Variants in MSI2 observed in about 807,000 individuals in gnomAD.
MSI2 encodes the protein RNA-binding protein Musashi homolog 2.
Under a neutral mutation model 45.6 loss-of-function variants are expected in MSI2, and 17 were observed. That is an observed-to-expected ratio of 0.37 (90% CI 0.26 to 0.56). The LOEUF is 0.56. Among genes scored for constraint, MSI2 ranks in the 20% least tolerant of loss-of-function variants. The pLI, the probability that MSI2 is intolerant of heterozygous loss-of-function variation, is 0.77. For missense variants in MSI2, 293 were observed against 444.2 expected, an observed-to-expected ratio of 0.66 and a Z score of 3.06; for synonymous variants, 156 against 158.2, an observed-to-expected ratio of 0.99 and a Z score of 0.11.
At chr17:57,559,043 C>G (rs766467555) in intron 7 of MSI2, among the ~76,000 whole-genome samples, 3 of 152,102 alleles carry the variant, frequency 2.0e-5, no homozygotes, top group Non-Finnish European at 4.4e-5. Flanking sequence ...GCCTGGATGA[C>G]AAGAGCGAGA....
chr17:57,483,074 T>C (rs2085679936), intron 6 of MSI2, among the ~76,000 whole-genome samples: 1 of 152,250 alleles, frequency 6.6e-6, no homozygotes, highest in African/African-American at 2.4e-5. Context: ...ATAACATTTC[T>C]TAATTTCTGC....
At chr17:57,480,439 T>A (rs1280904006) in intron 6 of MSI2, among the ~76,000 whole-genome samples, 1 of 152,194 alleles carries the variant, frequency 6.6e-6, no homozygotes, top group African/African-American at 2.4e-5. Flanking sequence ...TAAACAGGAC[T>A]CATGTTGACA....
chr17:57,531,060 T>C (rs1471504620), intron 7 of MSI2, among the ~76,000 whole-genome samples: 1 of 152,064 alleles, frequency 6.6e-6, no homozygotes, highest in Non-Finnish European at 1.5e-5. Flanking sequence ...ACTGCATTGC[T>C]GGGGAGTGAG....
the MSI2 span, among the ~76,000 whole-genome samples, chr17:57,692,972 G>T: frequency 7.0e-6 from 1 of 143,652 alleles, no homozygotes; most frequent in Admixed American, 7.0e-5. Context: ...ACTTCTTTCT[G>T]TGGTTTCATG....
rs1356085444 is a variant in MSI2 at position 57,652,669 on chromosome 17, AAGCTGCTGTTTCTGG to A, written c.790+512_790+526del. On this transcript the variant is annotated intron_variant, in intron 11 of 13. Coordinates refer to ENST00000284073, the MANE Select transcript of MSI2 (RefSeq NM_138962.4). The surrounding 1 kb of genome is among the most constrained non-coding windows in gnomAD (Gnocchi z 4.1). The stretch of plus-strand genomic sequence containing the variant: ...GACCAGCCCTGGGCCTCAGTGAATG[AAGCTGCTGTTTCTGG>A]AGCCGCTGTGCCTCCCAGACTCTTC... Among the ~76,000 whole-genome samples, 1 of 152,152 alleles carries A rather than the reference AAGCTGCTGTTTCTGG, an allele frequency of 6.6e-6. No individual in the cohort carries two copies. The highest frequency in any genetic ancestry group is 2.4e-5 in the African/African-American group (1 of 41,432).
chr17:57,445,274 G>A (rs1455500533), intron 6 of MSI2, among the ~76,000 whole-genome samples: 2 of 152,216 alleles, frequency 1.3e-5, no homozygotes, highest in Non-Finnish European at 2.9e-5. Flanking sequence ...TGAAGTGTGT[G>A]AAGGAAGATG....
intron 5 of MSI2, among the ~76,000 whole-genome samples, chr17:57,350,735 C>T (rs1360667325): frequency 6.6e-6 from 1 of 152,184 alleles, no homozygotes; most frequent in East Asian, 1.9e-4. Flanking sequence ...TCCCCTCTGC[C>T]TCCTCCTCCT....
At chr17:57,629,971 T>A (rs941101991) in intron 10 of MSI2, 3 of 152,288 alleles carry the variant, frequency 2.0e-5, no homozygotes, top group African/African-American at 7.2e-5. Context: ...GACCCTATGC[T>A]AAGGCCCCTG....
At chr17:57,259,151 G>T (rs1359795552) in intron 4 of MSI2, among the ~76,000 whole-genome samples, 1 of 152,012 alleles carries the variant, frequency 6.6e-6, no homozygotes, top group Non-Finnish European at 1.5e-5. Context: ...CCCCTGTGTG[G>T]GCTTCCTGCC....
chr17:57,682,523 CT>C lies in MSI2; in HGVS notation c.*3010del. ...GAATATGTTTTAGATGTTTATATACCTTTTGAAGAGACCCAGTAGCCCATAG... is the reference window on the plus strand; with the variant it reads ...GAATATGTTTTAGATGTTTATATACCTTTGAAGAGACCCAGTAGCCCATAG... On this transcript the variant is annotated 3_prime_UTR_variant, in exon 14 of 14. Coordinates refer to ENST00000284073, the MANE Select transcript of MSI2 (RefSeq NM_138962.4). 9.6e-6 allele frequency: 2 copies of C among 207,560 alleles called. No individual in the cohort carries two copies. Among genetic ancestry groups the C allele is most frequent in the East Asian group, 7.4e-5 (1 of 13,424 alleles). The allele number at this position is 207,560 out of a possible 1,614,324, so 12.9% of individuals were successfully genotyped here.
Position 57,574,510 on chromosome 17 carries a change from C to G in MSI2, c.455-22358C>G, listed in dbSNP as rs74791940. On this transcript the variant is annotated intron_variant, in intron 7 of 13. Transcript: ENST00000284073. ...GTCCACAGAGCCCAGGTCAAGGATG[C>G]AATTCTGGGTCCTGTGTCCCCATGG... 6.1e-3 allele frequency among the ~76,000 whole-genome samples: 922 copies of G among 152,264 alleles called. 6 individuals are homozygous for G. Among genetic ancestry groups the G allele is most frequent in the Middle Eastern group, 0.041 (12 of 294 alleles).
At chr17:57,314,059 C>T (rs1310707932) in intron 5 of MSI2, among the ~76,000 whole-genome samples, 2 of 151,746 alleles carry the variant, frequency 1.3e-5, no homozygotes, top group Admixed American at 6.6e-5. Flanking sequence ...AGGGTTGGCT[C>T]GTTCTGAGGG....
At chr17:57,697,441 C>T in the MSI2 span, among the ~76,000 whole-genome samples, 4 of 152,214 alleles carry the variant, frequency 2.6e-5, no homozygotes, top group South Asian at 2.1e-4. Flanking sequence ...CGCAGACACT[C>T]GCTCTCTCAC....
chr17:57,630,316 A>G (rs992226960), intron 10 of MSI2: 2 of 152,270 alleles, frequency 1.3e-5, no homozygotes, highest in African/African-American at 2.4e-5. Flanking sequence ...TGGGACAGAA[A>G]TCAGGCATTA....
chr17:57,299,872 A>C (rs1391036734), intron 5 of MSI2, among the ~76,000 whole-genome samples: 1 of 152,192 alleles, frequency 6.6e-6, no homozygotes, highest in African/African-American at 2.4e-5. Context: ...GGCACAATGA[A>C]ATGAGGTGTG....
chr17:57,687,799 G>T (rs775097633), downstream of MSI2, among the ~76,000 whole-genome samples: 8 of 152,038 alleles, frequency 5.3e-5, no homozygotes, highest in Non-Finnish European at 1.0e-4. Flanking sequence ...TAGGAGCTCA[G>T]ATGTAAAAAT....
In MSI2 at chr17:57,344,231, C is replaced by T. The variant is rs190874332; in HGVS notation, c.313-57148C>T. Among the ~76,000 whole-genome samples, 501 of 152,228 alleles carry T rather than the reference C, an allele frequency of 3.3e-3. 1 individual carries two copies. The highest frequency in any genetic ancestry group is 5.0e-3 in the Non-Finnish European group (340 of 68,018). On this transcript the variant is annotated intron_variant, in intron 5 of 13. Coordinates refer to ENST00000284073, the MANE Select transcript of MSI2 (RefSeq NM_138962.4). ...TTGGCATCTGCGGTAAGCAAGATCCCCTCCTTCTTACCCACTAATTTTAAA... is the reference window on the plus strand; with the variant it reads ...TTGGCATCTGCGGTAAGCAAGATCCTCTCCTTCTTACCCACTAATTTTAAA...
chr17:57,613,542 C>T (rs992637147), intron 8 of MSI2, among the ~76,000 whole-genome samples: 1 of 152,028 alleles, frequency 6.6e-6, no homozygotes, highest in African/African-American at 2.4e-5. Context: ...GGTAAGATTA[C>T]TAGGTGTATG....
intron 5 of MSI2, among the ~76,000 whole-genome samples, chr17:57,348,065 G>T (rs183424071): frequency 6.6e-6 from 1 of 152,180 alleles, no homozygotes; most frequent in Non-Finnish European, 1.5e-5. Context: ...TGCACACATC[G>T]CATTAGAAGG....
Sources: allele counts gnomAD v4.1 joint callset (sites outside exome capture counted in the v4.1 genomes callset), GRCh38; gene constraint gnomAD v4.1.1; non-coding constraint Gnocchi (gnomAD v3.1); transcripts MANE v1.5; gene names NCBI Gene and HGNC (gene_info 2026-07-23, HGNC 2026-07-21).